PLSCR5: variants seen among roughly 807,000 people sequenced by gnomAD.
PLSCR5 encodes the protein phospholipid scramblase family member 5, also known as phospholipid scramblase family, member 5.
A neutral mutation model predicts 33.6 loss-of-function variants in PLSCR5; 44 were observed. That is an observed-to-expected ratio of 1.31 (90% CI 1.03 to 1.69). PLSCR5 has a LOEUF of 1.69. PLSCR5 is among the 40% of genes most tolerant of loss of function. PLSCR5 has a pLI of 0.00. For synonymous variants in PLSCR5, 148 were observed against 112.3 expected, an observed-to-expected ratio of 1.32 and a Z score of -2.01; for missense variants, 375 against 318.7, an observed-to-expected ratio of 1.18 and a Z score of -1.34.
chr3:146,605,147 A>C, intron 1 of PLSCR5, 53 bp downstream of exon 1: 1 of 1,539,174 alleles, frequency 6.5e-7, no homozygotes, highest in South Asian at 1.2e-5. Context: ...ACAATTGTAT[A>C]TTTTTAGTCT....
chr3:146,593,150 A>G (rs977912602), intron 4 of PLSCR5, among the ~76,000 whole-genome samples: 1 of 152,146 alleles, frequency 6.6e-6, no homozygotes, highest in Non-Finnish European at 1.5e-5. Context: ...CTCAAGTCCC[A>G]TCTATAATAT....
At chr3:146,594,911 C>A (rs2044745493) in intron 3 of PLSCR5, 130 bp downstream of exon 3, 1 of 459,464 alleles carries the variant, frequency 2.2e-6, no homozygotes, top group Admixed American at 4.5e-5. Flanking sequence ...ACCTAGTACT[C>A]TTTTTGATCT....
chr3:146,581,361 T>G (rs1228904780), downstream of PLSCR5, among the ~76,000 whole-genome samples: 1 of 152,222 alleles, frequency 6.6e-6, no homozygotes, highest in African/African-American at 2.4e-5. Context: ...CGTGTTGTTA[T>G]CTGTTGGTTT....
At chr3:146,601,930 T>G (rs1193286185) in intron 1 of PLSCR5, among the ~76,000 whole-genome samples, 1 of 152,188 alleles carries the variant, frequency 6.6e-6, no homozygotes, top group Non-Finnish European at 1.5e-5. Context: ...ATTCATTCAT[T>G]TATTTATTTA....
At chr3:146,596,640 C>T (rs2044763938) in intron 2 of PLSCR5, among the ~76,000 whole-genome samples, 1 of 152,162 alleles carries the variant, frequency 6.6e-6, no homozygotes. Flanking sequence ...TCTCCCTTCG[C>T]ATTAATAAAC....
chr3:146,585,482 T>C (rs1228718716), downstream of PLSCR5, among the ~76,000 whole-genome samples: 1 of 152,144 alleles, frequency 6.6e-6, no homozygotes, highest in Non-Finnish European at 1.5e-5. Flanking sequence ...TATCTTCCTC[T>C]TCATCTTTAG....
chr3:146,594,997 T>G, intron 3 of PLSCR5, 44 bp downstream of exon 3: 1 of 1,212,146 alleles, frequency 8.2e-7, no homozygotes, highest in Non-Finnish European at 1.1e-6. Flanking sequence ...ACTAAAATAT[T>G]TTCAATAGTT....
intron 3 of PLSCR5, 92 bp downstream of exon 3, chr3:146,594,949 C>A: frequency 1.4e-6 from 1 of 717,476 alleles, no homozygotes; most frequent in Non-Finnish European, 2.0e-6. Context: ...TTAACTTTCT[C>A]ATTTATAACA....
chr3:146,593,225 T>A (rs2044729930), intron 4 of PLSCR5, among the ~76,000 whole-genome samples: 1 of 152,068 alleles, frequency 6.6e-6, no homozygotes. Flanking sequence ...GACTGCCAAA[T>A]GTAGAGAGTA....
chr3:146,591,006 T>TTTG (rs1553809639), intron 5 of PLSCR5, among the ~76,000 whole-genome samples: 13 of 150,130 alleles, frequency 8.7e-5, no homozygotes, highest in South Asian at 4.2e-4. Flanking sequence ...TGTTTTTTTT[T>TTTG]TTTGTTTTTT....
At chr3:146,592,558 T>C (rs1179720377) in intron 4 of PLSCR5, among the ~76,000 whole-genome samples, 2 of 152,114 alleles carry the variant, frequency 1.3e-5, no homozygotes, top group Admixed American at 6.6e-5. Context: ...ACAAATTTTT[T>C]AAATGTTTGC....
chr3:146,581,518 T>C (rs2044632594), downstream of PLSCR5, among the ~76,000 whole-genome samples: 1 of 152,208 alleles, frequency 6.6e-6, no homozygotes, highest in Admixed American at 6.5e-5. Flanking sequence ...GCAGGGACAA[T>C]GTACCATTGA....
downstream of PLSCR5, among the ~76,000 whole-genome samples, chr3:146,582,480 A>T (rs1226831821): frequency 1.3e-5 from 2 of 152,136 alleles, no homozygotes; most frequent in Non-Finnish European, 2.9e-5. Flanking sequence ...TTGGTTTCTT[A>T]AAAAAGCCTC....
intron 1 of PLSCR5, among the ~76,000 whole-genome samples, 181 bp downstream of exon 1, chr3:146,605,019 A>T: frequency 6.6e-6 from 1 of 152,152 alleles, no homozygotes; most frequent in East Asian, 1.9e-4. Context: ...TCTGTCAGAT[A>T]AAGTGTTTTT....
intron 6 of PLSCR5, among the ~76,000 whole-genome samples, chr3:146,588,433 T>C (rs1021407163): frequency 1.3e-5 from 2 of 152,078 alleles, no homozygotes; most frequent in African/African-American, 4.8e-5. Context: ...ATTGCGCCAC[T>C]GCACTCCAGC....
chr3:146,599,679 CTTT>C (rs34180865), intron 2 of PLSCR5, among the ~76,000 whole-genome samples: 8 of 139,208 alleles, frequency 5.7e-5, no homozygotes, highest in African/African-American at 8.0e-5. Flanking sequence ...CTTTTCTTTT[CTTT>C]TTTTTTTTTT....
In PLSCR5 at chr3:146,589,769, A is replaced by G. The variant is rs761665571; in HGVS notation, c.661T>C (p.Tyr221His). ...ACATCATTTACAAATCCTGACCAGT[A>G]CTTTGAAATCTTCCCAATTGTAAGC... is the stretch of plus-strand genomic sequence containing the variant. ...EKLTIGKISK[Y>H]WSGFVNDVFT... Residue 221 changes from tyrosine (Y) to histidine (H), a missense_variant, in exon 6 of 8, where the codon TAC becomes CAC. Transcript: ENST00000443512. 2 of 1,582,758 alleles carry G rather than the reference A, an allele frequency of 1.3e-6. No individual in the cohort carries two copies. Among genetic ancestry groups the G allele is most frequent in the South Asian group, 2.3e-5 (2 of 88,096 alleles).
At chr3:146,590,257 C>A (rs1208552158) in intron 5 of PLSCR5, 2 of 152,164 alleles carry the variant, frequency 1.3e-5, no homozygotes, top group African/African-American at 4.8e-5. Flanking sequence ...AAATTAATTT[C>A]TAGGCATAAT....
chr3:146,582,207 A>G (rs947298379), downstream of PLSCR5, among the ~76,000 whole-genome samples: 2 of 152,214 alleles, frequency 1.3e-5, no homozygotes, highest in African/African-American at 4.8e-5. Flanking sequence ...TTTCAAACAA[A>G]AGAACAGCCT....
Sources: allele counts gnomAD v4.1 joint callset (sites outside exome capture counted in the v4.1 genomes callset), GRCh38; gene constraint gnomAD v4.1.1; transcripts MANE v1.5; gene names NCBI Gene and HGNC (gene_info 2026-07-23, HGNC 2026-07-21).